The following ENPP4 variants were observed in gnomAD, a reference collection of about 807,000 sequenced individuals.
ENPP4 encodes the protein bis(5'-adenosyl)-triphosphatase ENPP4.
ENPP4 carries 18 observed loss-of-function variants against 33.4 expected under a neutral mutation model. The observed-to-expected ratio is 0.54, with a 90% CI of 0.37 to 0.80. The LOEUF is 0.80. Among genes scored for constraint, ENPP4 ranks in the 30% least tolerant of loss-of-function variants. The pLI is 0.00. For missense variants in ENPP4, 480 were observed against 541.7 expected (o/e 0.89, Z 1.13); for synonymous variants, 172 against 189.9 (o/e 0.91, Z 0.78).
At chr6:46,137,379 C>T (rs1348106761) in intron 1 of ENPP4, among the ~76,000 whole-genome samples, 1 of 151,808 alleles carries the variant, frequency 6.6e-6, no homozygotes, top group Non-Finnish European at 1.5e-5. Context: ...GAACTATACC[C>T]AGAGAGAAAC....
intron 1 of ENPP4, among the ~76,000 whole-genome samples, chr6:46,137,682 T>C (rs2143747): frequency 0.45 from 67,889 of 151,624 alleles, 16,476 homozygotes; most frequent in South Asian, 0.68. Context: ...TTACTCTGTC[T>C]TTTGGAGAGG....
intron 1 of ENPP4, among the ~76,000 whole-genome samples, chr6:46,134,881 CT>C (rs2127492023): frequency 6.6e-6 from 1 of 151,916 alleles, no homozygotes; most frequent in Admixed American, 6.6e-5. Context: ...TAGATAGTTA[CT>C]ATAGTTACTT....
rs764405228 is a variant in ENPP4 at position 46,141,005 on chromosome 6, T to A, written c.827-47T>A. ...TATTCTAGTTAGACATATTTTTTCC[T>A]TATCAATCATAACTTGTTTCCTTTG... On this transcript the variant is annotated intron_variant, in intron 2 of 3. Coordinates refer to ENST00000321037, the MANE Select transcript of ENPP4 (RefSeq NM_014936.5). 5 of 1,268,980 alleles carry A rather than the reference T, an allele frequency of 3.9e-6. No individual in the cohort carries two copies. The East Asian group carries it at 1.2e-4, about 30-fold the overall frequency. The allele number at this position is 1,268,980 out of a possible 1,614,324, so 78.6% of individuals were successfully genotyped here.
chr6:46,140,357 A>G lies in ENPP4; in HGVS notation c.774A>G (p.Ser258=), dbSNP rs764491509. The change falls in exon 2 of 4, where the codon TCA becomes TCG. Residue 258 remains serine (S), a synonymous_variant. Coordinates refer to ENST00000321037, the MANE Select transcript of ENPP4 (RefSeq NM_014936.5). ...ACCTGGATTCCTGCATCGATCATTC[A>G]TACTACACTCTTATAGATTTGAGCC... is the stretch of plus-strand genomic sequence containing the variant. The part of the protein sequence containing the change: ...LINLDSCIDH[S]YYTLIDLSPV... 1.2e-5 allele frequency: 20 copies of G among 1,606,972 alleles called. No homozygotes were observed. Among genetic ancestry groups the G allele is most frequent in the Admixed American group, 1.7e-5 (1 of 58,952 alleles).
intron 1 of ENPP4, among the ~76,000 whole-genome samples, chr6:46,133,353 A>G (rs1227008332): frequency 6.6e-6 from 1 of 152,224 alleles, no homozygotes; most frequent in East Asian, 1.9e-4. Flanking sequence ...ATAATAATCT[A>G]AAGATAACTG....
At chr6:46,131,670 C>G (rs1169806766) in intron 1 of ENPP4, among the ~76,000 whole-genome samples, 1 of 151,898 alleles carries the variant, frequency 6.6e-6, no homozygotes, top group African/African-American at 2.4e-5. Flanking sequence ...TGGGTATATA[C>G]CCAGTAATGG....
chr6:46,138,835 G>A (rs1764013765), intron 1 of ENPP4, among the ~76,000 whole-genome samples: 1 of 151,842 alleles, frequency 6.6e-6, no homozygotes, highest in Admixed American at 6.6e-5. Flanking sequence ...GGGTATTAGT[G>A]AAAATAGTTG....
rs774436686 is a variant in ENPP4 at position 46,140,428 on chromosome 6, G to GAATA, written c.826+20_826+21insATAA. On this transcript the variant is annotated intron_variant, in intron 2 of 3. Coordinates refer to ENST00000321037, the MANE Select transcript of ENPP4 (RefSeq NM_014936.5). ...AAAATAAGTAAGTAAACATTCAACT[G>GAATA]AGGGATACTATTATTCGAATGGGGC... 5 of 1,402,380 alleles carry GAATA rather than the reference G, an allele frequency of 3.6e-6. No homozygotes were observed. The highest frequency in any genetic ancestry group is 4.9e-6 in the Non-Finnish European group (5 of 1,026,518). 86.9% of individuals were successfully genotyped at this position (1,402,380 alleles called of 1,614,324 possible).
At chr6:46,141,718 T>C (rs888434603) in intron 3 of ENPP4, among the ~76,000 whole-genome samples, 16 of 151,656 alleles carry the variant, frequency 1.1e-4, no homozygotes, top group African/African-American at 3.6e-4. Flanking sequence ...TCAAAATCTC[T>C]CCTAAAAAAT....
intron 1 of ENPP4, among the ~76,000 whole-genome samples, chr6:46,136,183 C>T (rs1353906414): frequency 6.6e-6 from 1 of 151,892 alleles, no homozygotes; most frequent in African/African-American, 2.4e-5. Context: ...AAGTGTAAAG[C>T]CTGTCTTTCT....
At chr6:46,139,256 G>A (rs1301742259) in intron 1 of ENPP4, among the ~76,000 whole-genome samples, 2 of 151,612 alleles carry the variant, frequency 1.3e-5, no homozygotes, top group African/African-American at 4.8e-5. Flanking sequence ...TAAGCCTTTC[G>A]AAGAATTTCT....
At chr6:46,135,850 G>A (rs973047062) in intron 1 of ENPP4, among the ~76,000 whole-genome samples, 5 of 151,948 alleles carry the variant, frequency 3.3e-5, no homozygotes, top group Non-Finnish European at 5.9e-5. Flanking sequence ...TTTGTGTATG[G>A]TATGAGGCAG....
rs1461992688 is a variant in ENPP4 at position 46,140,227 on chromosome 6, G to T, written c.644G>T (p.Gly215Val). The T allele has an allele frequency of 3.7e-6, 6 of 1,612,504 alleles. No homozygotes were observed. The highest frequency in any genetic ancestry group is 5.1e-6 in the Non-Finnish European group (6 of 1,179,082). ...RVLKKIDDLI[G>V]DLVQRLKMLG... is the part of the protein sequence containing the mutation. ...TTGAAAAAAATAGATGATCTTATCG[G>T]TGACTTAGTCCAAAGACTCAAGATG... The change falls in exon 2 of 4, where the codon GGT becomes GTT. Residue 215 changes from glycine to valine, a missense_variant. By Grantham distance (109) the Gly-to-Val change is moderately radical (BLOSUM62 -3). This residue lies in a region of ENPP4 where 227 missense variants were observed against 273.7 expected (regional missense o/e 0.83). Coordinates refer to ENST00000321037, the MANE Select transcript of ENPP4 (RefSeq NM_014936.5).
Position 46,139,880 on chromosome 6 carries a change from G to T in ENPP4, c.297G>T (p.Lys99Asn). The change falls in exon 2 of 4, where the codon AAG (lysine) becomes AAT (asparagine). Residue 99 changes from lysine to asparagine, a missense_variant. This residue lies in a region of ENPP4 where 227 missense variants were observed against 273.7 expected (regional missense o/e 0.83). Transcript: ENST00000321037. ...VANSMYDAVT[K>N]KHFSDSNDKD... ...ATTCCATGTATGATGCAGTCACAAA[G>T]AAACACTTTTCTGACTCTAATGACA... 1.2e-6 allele frequency: 2 copies of T among 1,612,588 alleles called. No homozygotes were observed. The highest frequency in any genetic ancestry group is 1.7e-6 in the Non-Finnish European group (2 of 1,178,976).
At chr6:46,135,495 C>T (rs990274353) in intron 1 of ENPP4, among the ~76,000 whole-genome samples, 1 of 151,960 alleles carries the variant, frequency 6.6e-6, no homozygotes, top group Non-Finnish European at 1.5e-5. Flanking sequence ...AGCTCATGCT[C>T]ATTTTTTGAC....
intron 1 of ENPP4, among the ~76,000 whole-genome samples, chr6:46,132,036 TG>T (rs1166786049): frequency 1.1e-4 from 17 of 152,242 alleles, no homozygotes; most frequent in African/African-American, 4.1e-4. Flanking sequence ...TTGAATTCAT[TG>T]TAGATTCTGG....
intron 1 of ENPP4, among the ~76,000 whole-genome samples, chr6:46,130,564 C>A (rs1207165701): frequency 6.6e-6 from 1 of 152,170 alleles, no homozygotes; most frequent in Non-Finnish European, 1.5e-5. Context: ...TAAAGGAGAA[C>A]CACCCATGGC....
rs1764119030 is a variant in ENPP4, at chr6:46,144,725, T to C, written c.*1085T>C. 1.6e-5 allele frequency: 6 copies of C among 370,084 alleles called. No homozygotes were observed. In the East Asian group the frequency reaches 2.3e-4, roughly 14 times the overall value. 22.9% of individuals were successfully genotyped at this position (370,084 alleles called of 1,614,324 possible). ...AATGAGGAATGGAGATTTTTGTATT[T>C]ATCTTTGGGACTTTATGCCTTACTT... On this transcript the variant is annotated 3_prime_UTR_variant, in exon 4 of 4. Transcript: ENST00000321037.
chr6:46,134,497 T>C (rs1310678079), intron 1 of ENPP4, among the ~76,000 whole-genome samples: 12 of 152,144 alleles, frequency 7.9e-5, no homozygotes, highest in Non-Finnish European at 1.0e-4. Context: ...TTGTGTTTTG[T>C]GGGAGAGGAC....
Sources: allele counts gnomAD v4.1 joint callset (sites outside exome capture counted in the v4.1 genomes callset), GRCh38; gene constraint gnomAD v4.1.1; regional missense constraint gnomAD v4.1.1; transcripts MANE v1.5; gene names NCBI Gene and HGNC (gene_info 2026-07-23, HGNC 2026-07-21).